RIMS2: variants seen among roughly 807,000 people sequenced by gnomAD.
RIMS2 encodes regulating synaptic membrane exocytosis protein 2.
In RIMS2, 59 loss-of-function variants were observed where a neutral mutation model predicts 174.4. The ratio of observed to expected loss-of-function variants is 0.34; its 90% CI spans 0.27 to 0.42. The LOEUF (loss-of-function observed/expected upper bound fraction) is 0.42, where lower values mean the gene tolerates loss of function less well. Ranked by LOEUF, RIMS2 falls within the 10% of genes least tolerant of loss-of-function variation. The pLI is 1.00. For synonymous variants in RIMS2, 606 were observed against 572.5 expected, an observed-to-expected ratio of 1.06 and a Z score of -0.84; for missense variants, 1,620 against 1,666.3, an observed-to-expected ratio of 0.97 and a Z score of 0.48.
Position 103,834,676 on chromosome 8 carries a change from T to TTTTCTTTCTTTCTTTCTTTC in RIMS2, c.699-50572_699-50553dup, listed in dbSNP as rs71297240. On this transcript the variant is annotated intron_variant, in intron 3 of 23. Transcript: ENST00000504942. ...TCAAGCCAGCAAGCCTCTGAGGTCT[T>TTTTCTTTCTTTCTTTCTTTC]TTTCTTTCTTTCTTTCTTTCTTTCT... Among the ~76,000 whole-genome samples the TTTTCTTTCTTTCTTTCTTTC allele has an allele frequency of 4.1e-3, 497 of 120,070 alleles. 8 individuals carry two copies. The highest frequency in any genetic ancestry group is 5.1e-3 in the Non-Finnish European group (289 of 56,794). 78.8% of individuals were successfully genotyped at this position (120,070 alleles called of 152,430 possible).
intron 1 of RIMS2, among the ~76,000 whole-genome samples, chr8:103,538,264 T>C (rs1355070945): frequency 6.6e-6 from 1 of 152,218 alleles, no homozygotes; most frequent in Non-Finnish European, 1.5e-5. Flanking sequence ...CTAATAACAA[T>C]CTTATCTTAT....
At chr8:103,595,225 A>G (rs2094439121) in intron 1 of RIMS2, among the ~76,000 whole-genome samples, 1 of 151,786 alleles carries the variant, frequency 6.6e-6, no homozygotes, top group Non-Finnish European at 1.5e-5. Flanking sequence ...TTTAATATTA[A>G]TATCTATTTG....
intron 13 of RIMS2, among the ~76,000 whole-genome samples, chr8:103,937,003 CAGG>C (rs1045861627): frequency 2.0e-5 from 3 of 151,876 alleles, no homozygotes; most frequent in African/African-American, 7.3e-5. Flanking sequence ...GAGGCTGAGG[CAGG>C]AGAATGGCGT....
intron 19 of RIMS2, among the ~76,000 whole-genome samples, chr8:104,182,569 A>G (rs2098946114): frequency 6.6e-6 from 1 of 151,520 alleles, no homozygotes. Context: ...ACCTTAATCA[A>G]CTACTAATCT....
chr8:103,576,703 C>T (rs761524933), intron 1 of RIMS2, among the ~76,000 whole-genome samples: 3 of 152,170 alleles, frequency 2.0e-5, no homozygotes, highest in South Asian at 2.1e-4. Flanking sequence ...ACCAAAGTAG[C>T]GTGGTATTGG....
intron 19 of RIMS2, among the ~76,000 whole-genome samples, chr8:104,074,116 A>G (rs781341682): frequency 6.6e-6 from 1 of 152,232 alleles, no homozygotes; most frequent in Non-Finnish European, 1.5e-5. Flanking sequence ...TTCAAGGCAC[A>G]GGCAATGAGG....
intron 19 of RIMS2, among the ~76,000 whole-genome samples, chr8:104,021,321 A>T (rs1227026492): frequency 6.6e-6 from 1 of 152,184 alleles, no homozygotes; most frequent in East Asian, 1.9e-4. Context: ...TGTAAATATG[A>T]ATAGTATTCA....
chr8:104,146,204 CAAAAA>C lies in RIMS2; in HGVS notation c.3335-98692_3335-98688del, dbSNP rs36101798. 6.8e-3 allele frequency among the ~76,000 whole-genome samples: 446 copies of C among 65,950 alleles called. 4 individuals are homozygous for C. Among genetic ancestry groups the C allele is most frequent in the African/African-American group, 0.025 (410 of 16,382 alleles). The allele number at this position is 65,950 out of a possible 152,430, so 43.3% of individuals were successfully genotyped here. On this transcript the variant is annotated intron_variant, in intron 19 of 23. Transcript: ENST00000504942. ...CACAGTGAGAACCTGTCTCCTCTCC[CAAAAA>C]AAAAAAAAAAAAAAAAAAAGCCAGG... is the stretch of plus-strand genomic sequence containing the variant.
At chr8:103,824,518 A>G (rs1056118037) in intron 3 of RIMS2, among the ~76,000 whole-genome samples, 1 of 152,228 alleles carries the variant, frequency 6.6e-6, no homozygotes, top group Non-Finnish European at 1.5e-5. Flanking sequence ...CTTATAGGGA[A>G]AAATGGAAAA....
rs143025240 is a variant in RIMS2, at chr8:103,896,698, G to A, written c.1624+10475G>A. Among the ~76,000 whole-genome samples, 380 of 151,692 alleles carry A rather than the reference G, an allele frequency of 2.5e-3. 2 individuals carry two copies. Among genetic ancestry groups the A allele is most frequent in the Non-Finnish European group, 4.1e-3 (279 of 67,984 alleles). On this transcript the variant is annotated intron_variant, in intron 4 of 23. Transcript: ENST00000504942. ...ACTGGTGGAATTTAGCTGGTGGTAT[G>A]AGCTCATCTAGAGGGTCCAAAATGA...
chr8:103,776,690 T>C (rs921779846), intron 3 of RIMS2, among the ~76,000 whole-genome samples: 2 of 152,122 alleles, frequency 1.3e-5, no homozygotes, highest in Admixed American at 6.6e-5. Flanking sequence ...ACTAGGGGGC[T>C]AGTAGTCACA....
intron 17 of RIMS2, among the ~76,000 whole-genome samples, chr8:104,011,449 A>G (rs911311239): frequency 6.6e-6 from 1 of 152,092 alleles, no homozygotes; most frequent in Non-Finnish European, 1.5e-5. Flanking sequence ...ATAACGAGAC[A>G]TTTTTTGTAA....
chr8:103,577,246 A>G (rs922575260), intron 1 of RIMS2, among the ~76,000 whole-genome samples: 9 of 152,236 alleles, frequency 5.9e-5, no homozygotes, highest in Non-Finnish European at 8.8e-5. Flanking sequence ...AAACAACCCC[A>G]TCAAAAAGTG....
At chr8:103,615,565 A>G (rs1161473675) in intron 1 of RIMS2, among the ~76,000 whole-genome samples, 1 of 152,176 alleles carries the variant, frequency 6.6e-6, no homozygotes, top group African/African-American at 2.4e-5. Context: ...GAGACAAAAA[A>G]TCATTCAAAA....
chr8:104,197,459 G>A (rs538145358), intron 19 of RIMS2, among the ~76,000 whole-genome samples: 129 of 152,310 alleles, frequency 8.5e-4, no homozygotes, highest in Non-Finnish European at 1.3e-3. Context: ...TTATAGGCGT[G>A]AGCCACTGTG....
At chr8:103,991,697 G>A (rs2094709757) in intron 17 of RIMS2, among the ~76,000 whole-genome samples, 1 of 152,114 alleles carries the variant, frequency 6.6e-6, no homozygotes, top group South Asian at 2.1e-4. Flanking sequence ...AGTAAGAATT[G>A]ATGCACTGGA....
intron 19 of RIMS2, among the ~76,000 whole-genome samples, chr8:104,130,135 G>C (rs981361648): frequency 6.6e-6 from 1 of 152,064 alleles, no homozygotes; most frequent in Non-Finnish European, 1.5e-5. Flanking sequence ...GGCTGCTGAG[G>C]TAACATAGAC....
Position 103,679,895 on chromosome 8 carries a change from A to G in RIMS2, c.177-17191A>G, listed in dbSNP as rs1183241626. On this transcript the variant is annotated intron_variant, in intron 1 of 23. Transcript: ENST00000504942. ...CCTGTGGACCAAAATCCTGCCTGCTATCTGCTTTTGTAAATAGCATTTTAT... is the reference window on the plus strand; with the variant it reads ...CCTGTGGACCAAAATCCTGCCTGCTGTCTGCTTTTGTAAATAGCATTTTAT... Among the ~76,000 whole-genome samples, 7 of 152,194 alleles carry G rather than the reference A, an allele frequency of 4.6e-5. No individual in the cohort carries two copies. The East Asian group carries it at 9.6e-4, about 21-fold the overall frequency.
Position 104,013,432 on chromosome 8 carries a change from A to G in RIMS2, c.3045-10A>G, listed in dbSNP as rs374862075. The G allele has an allele frequency of 5.6e-6, 9 of 1,612,042 alleles. No homozygotes were observed. The highest frequency in any genetic ancestry group is 7.6e-6 in the Non-Finnish European group (9 of 1,178,838). ...AGATCAACTGAGCTGCTTTTTGACT[A>G]ACGTTTCAGGGATTGTGAAGCAGCA... On this transcript the variant is annotated splice_polypyrimidine_tract_variant and intron_variant, in intron 17 of 23. Coordinates refer to ENST00000504942, the Ensembl canonical transcript of RIMS2.
Sources: gnomAD v4.1 joint callset for allele counts (sites outside exome capture counted in the v4.1 genomes callset) on GRCh38, gnomAD v4.1.1 for gene constraint, MANE v1.5 for transcripts, NCBI Gene and HGNC (gene_info 2026-07-23, HGNC 2026-07-21) for gene names.